Variants in TNS3 observed in about 807,000 individuals in gnomAD.
TNS3 encodes tensin 3.
Under a neutral mutation model 140.9 loss-of-function variants are expected in TNS3, and 45 were observed. That is an observed-to-expected ratio of 0.32 (90% confidence interval 0.25 to 0.41). The LOEUF is 0.41. Ranked by LOEUF, TNS3 falls within the 10% of genes least tolerant of loss-of-function variation. The pLI is 1.00. For synonymous variants in TNS3, 815 were observed against 788.4 expected (o/e 1.03, Z -0.56); for missense variants, 1,716 against 1,906.7 (o/e 0.90, Z 1.86).
chr7:47,372,979 G>A (rs1204543899), intron 16 of TNS3, among the ~76,000 whole-genome samples: 1 of 152,204 alleles, frequency 6.6e-6, no homozygotes, highest in Non-Finnish European at 1.5e-5. Flanking sequence ...TCCTAAAGGT[G>A]CAGAGCTCTG....
At chr7:47,504,195 TAGC>T (rs1212495728) in intron 3 of TNS3, among the ~76,000 whole-genome samples, 5 of 152,046 alleles carry the variant, frequency 3.3e-5, no homozygotes, top group African/African-American at 9.7e-5. Context: ...AAGAGAGTGA[TAGC>T]AGTCTTTTGG....
rs1296108119 is a variant in TNS3 at position 47,493,689 on chromosome 7, A to G, written c.-114-12548T>C. Among the ~76,000 whole-genome samples, 19 of 151,364 alleles carry G rather than the reference A, an allele frequency of 1.3e-4. No individual in the cohort carries two copies. In the East Asian group the frequency reaches 3.5e-3, roughly 28 times the overall value. On this transcript the variant is annotated intron_variant, in intron 3 of 30. Transcript: ENST00000311160. ...AAAAAAAAAAAAAAAATAGCCGGGC[A>G]TGGTGGCGGGCGCCTGTAGTCCCAG...
At chr7:47,363,813 C>T (rs772349641) in intron 17 of TNS3, among the ~76,000 whole-genome samples, 10 of 152,158 alleles carry the variant, frequency 6.6e-5, no homozygotes, top group Non-Finnish European at 1.0e-4. Flanking sequence ...AAATGATGCC[C>T]CTTGCAGGGT....
intron 7 of TNS3, among the ~76,000 whole-genome samples, chr7:47,436,401 T>A (rs776452279): frequency 6.6e-5 from 10 of 152,102 alleles, no homozygotes; most frequent in Non-Finnish European, 8.8e-5. Flanking sequence ...CTTAAAATTA[T>A]CCCAAACTTT....
intron 1 of TNS3, among the ~76,000 whole-genome samples, chr7:47,562,056 A>G (rs1800327659): frequency 6.6e-6 from 1 of 152,234 alleles, no homozygotes; most frequent in South Asian, 2.1e-4. Flanking sequence ...TAACAGCCCA[A>G]GGTGGCAAGT....
At chr7:47,415,761 C>G (rs1269411617) in intron 10 of TNS3, among the ~76,000 whole-genome samples, 1 of 152,270 alleles carries the variant, frequency 6.6e-6, no homozygotes, top group Non-Finnish European at 1.5e-5. Flanking sequence ...TGCTGTCCCC[C>G]TCTTCAAGGC....
intron 27 of TNS3, among the ~76,000 whole-genome samples, chr7:47,288,588 C>T (rs1785538768): frequency 6.6e-6 from 1 of 152,140 alleles, no homozygotes; most frequent in Non-Finnish European, 1.5e-5. Context: ...CTGGGCACTT[C>T]ACTGGGACCC....
chr7:47,555,942 A>G (rs538230684), intron 1 of TNS3, among the ~76,000 whole-genome samples: 19 of 152,378 alleles, frequency 1.2e-4, no homozygotes, highest in Non-Finnish European at 1.5e-5. Context: ...AAGCCTGCAC[A>G]CACATAATAC....
rs148652388 is a variant in TNS3 at position 47,405,098 on chromosome 7, G to A, written c.724-4184C>T. On this transcript the variant is annotated intron_variant, in intron 13 of 30. Coordinates refer to ENST00000311160, the MANE Select transcript of TNS3 (RefSeq NM_022748.12). Reference sequence around the variant, plus strand: ...TTGCTTAACTTTAGGCCACATAAGTGTATTTTTATTTCAAACTCTCCATCA... The same window carrying A: ...TTGCTTAACTTTAGGCCACATAAGTATATTTTTATTTCAAACTCTCCATCA... 3.5e-3 allele frequency among the ~76,000 whole-genome samples: 534 copies of A among 152,152 alleles called. 2 individuals carry two copies. The highest frequency in any genetic ancestry group is 0.012 in the African/African-American group (504 of 41,508).
At chr7:47,363,020 G>T (rs1384907163) in intron 17 of TNS3, among the ~76,000 whole-genome samples, 37 of 566 alleles carry the variant, frequency 0.065, 2 homozygotes, top group African/African-American at 0.22. Flanking sequence ...CATCATCAGG[G>T]TCATCACCAT....
intron 10 of TNS3, among the ~76,000 whole-genome samples, chr7:47,423,853 T>C (rs1309538337): frequency 1.3e-5 from 2 of 152,150 alleles, no homozygotes; most frequent in African/African-American, 4.8e-5. Flanking sequence ...CTGGAGCAAG[T>C]CCTCCCTTTA....
intron 16 of TNS3, among the ~76,000 whole-genome samples, chr7:47,387,963 C>G (rs1354485701): frequency 6.6e-6 from 1 of 152,248 alleles, no homozygotes; most frequent in Admixed American, 6.5e-5. Flanking sequence ...CGACTTGGCA[C>G]AAGTGCAATT....
rs1799953276 is a variant in TNS3, at chr7:47,547,511, A to G, written c.-264-18364T>C. ...TGGGGTTCCGGGAGCTGCTCCTCCC[A>G]GACCTCTAGGTGTCCACTGTTAGTC... On this transcript the variant is annotated intron_variant, in intron 1 of 30. Coordinates refer to ENST00000311160, the MANE Select transcript of TNS3 (RefSeq NM_022748.12). Among the ~76,000 whole-genome samples, 2 of 152,112 alleles carry G rather than the reference A, an allele frequency of 1.3e-5. 1 individual carries two copies. The highest frequency in any genetic ancestry group is 4.1e-4 in the South Asian group (2 of 4,826).
intron 10 of TNS3, among the ~76,000 whole-genome samples, chr7:47,423,765 T>C (rs2151474224): frequency 6.6e-6 from 1 of 152,366 alleles, no homozygotes; most frequent in East Asian, 1.9e-4. Context: ...CACTGACCCC[T>C]GGTCTAGCCA....
chr7:47,413,532 G>C (rs1420801429), intron 12 of TNS3, among the ~76,000 whole-genome samples: 1 of 151,732 alleles, frequency 6.6e-6, no homozygotes, highest in African/African-American at 2.4e-5. Context: ...TTGAGGTCAG[G>C]AGTTCAAGAC....
At chr7:47,402,838 C>G (rs1269665702) in intron 13 of TNS3, among the ~76,000 whole-genome samples, 5 of 152,154 alleles carry the variant, frequency 3.3e-5, no homozygotes, top group African/African-American at 1.2e-4. Flanking sequence ...GTCTTGCTCT[C>G]AAATTTTATA....
intron 1 of TNS3, chr7:47,539,390 GACA>G: frequency 3.1e-6 from 1 of 326,532 alleles, no homozygotes; most frequent in Non-Finnish European, 6.0e-6. Flanking sequence ...CCCCAGTGAG[GACA>G]ACAAACTGAT....
chr7:47,294,996 G>A (rs905853157), intron 24 of TNS3, among the ~76,000 whole-genome samples: 1 of 152,132 alleles, frequency 6.6e-6, no homozygotes, highest in Non-Finnish European at 1.5e-5. Flanking sequence ...TACTGGAGGT[G>A]GTATGGTGAA....
In TNS3 at chr7:47,420,876, G is replaced by A. The variant is rs554105247; in HGVS notation, c.473+3225C>T. ...CTTATGGATTCACTGCTGGTAACTCGGATACCTTCCACCAGTAACACTATA... is the reference window on the plus strand; with the variant it reads ...CTTATGGATTCACTGCTGGTAACTCAGATACCTTCCACCAGTAACACTATA... On this transcript the variant is annotated intron_variant, in intron 10 of 30. Transcript: ENST00000311160. Among the ~76,000 whole-genome samples the A allele has an allele frequency of 2.7e-4, 41 of 152,278 alleles. 2 individuals are homozygous for A. The South Asian group carries it at 3.5e-3, about 13-fold the overall frequency.
Sources: gnomAD v4.1 joint callset for allele counts (sites outside exome capture counted in the v4.1 genomes callset) on GRCh38, gnomAD v4.1.1 for gene constraint, MANE v1.5 for transcripts, NCBI Gene and HGNC (gene_info 2026-07-23, HGNC 2026-07-21) for gene names.